NEBL: variants seen among roughly 807,000 people sequenced by gnomAD.
The protein encoded by NEBL is LIM and SH3 protein 2.
Under a neutral mutation model 140.2 loss-of-function variants are expected in NEBL, and 122 were observed. The observed-to-expected ratio is 0.87, with a 90% CI of 0.75 to 1.01. The LOEUF is 1.01. Ranked by LOEUF, NEBL falls within the 50% of genes least tolerant of loss-of-function variation. The pLI is 0.00. For synonymous variants in NEBL, 436 were observed against 398.9 expected, an observed-to-expected ratio of 1.09 and a Z score of -1.11; for missense variants, 1,365 against 1,231.3, an observed-to-expected ratio of 1.11 and a Z score of -1.62.
chr10:21,246,135 T>C (rs559975399), intron 3 of NEBL, among the ~76,000 whole-genome samples: 2 of 152,348 alleles, frequency 1.3e-5, no homozygotes, highest in South Asian at 4.1e-4. Context: ...TTTGATAAAC[T>C]TGACCACAAA....
chr10:21,015,941 A>G (rs1341034957), intron 3 of NEBL, among the ~76,000 whole-genome samples: 2 of 152,202 alleles, frequency 1.3e-5, no homozygotes, highest in African/African-American at 2.4e-5. Flanking sequence ...TCACTTTCCT[A>G]AAGAAAATGA....
In NEBL at chr10:20,817,581, G is replaced by T. The variant is rs769120353; in HGVS notation, c.2148+19C>A. ...ATGCATTTGATAGTGTAAGAAAAAA[G>T]TTACTAAGATGATCACACATTGCTG... On this transcript the variant is annotated intron_variant, in intron 21 of 27. Coordinates refer to ENST00000377122, the MANE Select transcript of NEBL (RefSeq NM_006393.3). 5.1e-5 allele frequency: 80 copies of T among 1,581,912 alleles called. No individual in the cohort carries two copies. Among genetic ancestry groups the T allele is most frequent in the South Asian group, 6.6e-5 (6 of 90,398 alleles).
chr10:20,841,102 T>C (rs925828790), intron 12 of NEBL, among the ~76,000 whole-genome samples: 3 of 151,962 alleles, frequency 2.0e-5, no homozygotes, highest in African/African-American at 7.3e-5. Context: ...CCATAGTGGA[T>C]TTTTTTTAAA....
At chr10:21,180,754 C>G (rs756849470) in intron 3 of NEBL, among the ~76,000 whole-genome samples, 3 of 152,128 alleles carry the variant, frequency 2.0e-5, no homozygotes, top group African/African-American at 4.8e-5. Flanking sequence ...CATCCCCACA[C>G]CCAGACCCAA....
chr10:21,223,413 G>T (rs565756071), intron 3 of NEBL, among the ~76,000 whole-genome samples: 21 of 152,292 alleles, frequency 1.4e-4, no homozygotes, highest in African/African-American at 4.8e-4. Context: ...GTATTCCATT[G>T]TATATATGTA....
At chr10:20,857,948 T>C (rs777429607) in intron 9 of NEBL, among the ~76,000 whole-genome samples, 1 of 152,102 alleles carries the variant, frequency 6.6e-6, no homozygotes, top group Non-Finnish European at 1.5e-5. Flanking sequence ...GTGGCTTTAA[T>C]CTAACACAGA....
chr10:21,034,697 T>A, intron 2 of NEBL, among the ~76,000 whole-genome samples: 1 of 152,214 alleles, frequency 6.6e-6, no homozygotes, highest in East Asian at 1.9e-4. Flanking sequence ...CTAACGCACT[T>A]CAATTTATTA....
chr10:20,859,474 A>T (rs1264985417), intron 8 of NEBL, among the ~76,000 whole-genome samples: 1 of 152,054 alleles, frequency 6.6e-6, no homozygotes, highest in African/African-American at 2.4e-5. Context: ...TCCACTCTTG[A>T]ACAGATATAA....
At chr10:20,850,680 T>C (rs1842422089) in intron 10 of NEBL, among the ~76,000 whole-genome samples, 178 bp from the exon 11 acceptor site, 1 of 152,194 alleles carries the variant, frequency 6.6e-6, no homozygotes, top group Non-Finnish European at 1.5e-5. Flanking sequence ...AGTAAACAGG[T>C]AATATAAAAT....
intron 1 of NEBL, among the ~76,000 whole-genome samples, chr10:21,286,052 C>G (rs1843051136): frequency 6.6e-6 from 1 of 152,206 alleles, no homozygotes; most frequent in Non-Finnish European, 1.5e-5. Context: ...CTCCCCCTCT[C>G]TTTAGACTTG....
intron 2 of NEBL, among the ~76,000 whole-genome samples, chr10:21,098,237 C>T (rs762090161): frequency 1.2e-4 from 18 of 152,214 alleles, no homozygotes; most frequent in Middle Eastern, 3.4e-3. Context: ...TGCACACATA[C>T]GTACACACAC....
intron 1 of NEBL, among the ~76,000 whole-genome samples, chr10:21,269,189 T>C (rs970657080): frequency 3.9e-5 from 6 of 152,162 alleles, no homozygotes; most frequent in Non-Finnish European, 7.3e-5. Flanking sequence ...GTCTTGGCCC[T>C]CTGGTACCCA....
intron 3 of NEBL, among the ~76,000 whole-genome samples, chr10:21,201,646 G>A (rs1299185318): frequency 6.6e-6 from 1 of 151,974 alleles, no homozygotes. Flanking sequence ...CACAAAATCT[G>A]GAAATTAAAA....
intron 2 of NEBL, chr10:21,113,526 A>G: frequency 4.8e-6 from 1 of 210,130 alleles, no homozygotes; most frequent in East Asian, 1.6e-4. Context: ...CAGTTTGTTA[A>G]AAATTTTCCA....
chr10:21,070,382 C>T (rs915600560), intron 2 of NEBL, among the ~76,000 whole-genome samples: 4 of 152,144 alleles, frequency 2.6e-5, no homozygotes, highest in African/African-American at 9.7e-5. Flanking sequence ...ATGTAAGACT[C>T]TCCAAGATAT....
chr10:21,047,921 C>T (rs966369636), intron 2 of NEBL, among the ~76,000 whole-genome samples: 2 of 152,244 alleles, frequency 1.3e-5, no homozygotes, highest in Non-Finnish European at 2.9e-5. Context: ...AAGAAGACCA[C>T]TTTCACCCTA....
chr10:21,146,290 C>T, intron 2 of NEBL: 1 of 1,457,200 alleles, frequency 6.9e-7, no homozygotes, highest in Non-Finnish European at 9.4e-7. Flanking sequence ...ACCACGTGGC[C>T]CTGTCTCAGC....
intron 2 of NEBL, among the ~76,000 whole-genome samples, chr10:20,893,069 G>T (rs1847158835): frequency 6.6e-6 from 1 of 152,200 alleles, no homozygotes; most frequent in South Asian, 2.1e-4. Flanking sequence ...TATTCTTCCT[G>T]CTGCCATGCA....
intron 3 of NEBL, among the ~76,000 whole-genome samples, chr10:21,202,461 C>CTTTTTT (rs35623208): frequency 0.011 from 1,308 of 117,120 alleles, 50 homozygotes; most frequent in African/African-American, 0.03. Context: ...TTTTCTTTTT[C>CTTTTTT]TTTTTTTTTT....
Sources: gnomAD v4.1 joint callset for allele counts (sites outside exome capture counted in the v4.1 genomes callset) on GRCh38, gnomAD v4.1.1 for gene constraint, MANE v1.5 for transcripts, NCBI Gene and HGNC (gene_info 2026-07-23, HGNC 2026-07-21) for gene names.